DACH2: variants seen among roughly 807,000 people sequenced by gnomAD.
DACH2 encodes the protein dachshund homolog 2.
A neutral mutation model predicts 35.8 loss-of-function variants in DACH2; 17 were observed. That is an observed-to-expected ratio of 0.48 (90% confidence interval 0.33 to 0.71). The LOEUF (loss-of-function observed/expected upper bound fraction) is 0.71, where lower values mean the gene tolerates loss of function less well. Ranked by LOEUF, DACH2 falls within the 30% of genes least tolerant of loss-of-function variation. The pLI is 0.02. For synonymous variants in DACH2, 195 were observed against 177.3 expected (o/e 1.10, Z -0.79); for missense variants, 469 against 472.7 (o/e 0.99, Z 0.07).
rs1378563457 is a variant in DACH2 at position 86,345,497 on chromosome X, A to G, written c.489-31327A>G. 4 of 239,886 alleles carry G rather than the reference A, an allele frequency of 1.7e-5. No individual in the cohort carries two copies. The East Asian group carries it at 5.2e-4, about 31-fold the overall frequency. The allele number at this position is 239,886 out of a possible 1,213,427, so 19.8% of individuals were successfully genotyped here. A position where few individuals can be genotyped will look rare whatever the true frequency, so the allele number is the denominator to read the frequency against. ...GGAGAGAGGGAGAAAGTTATGAGGA[A>G]GGAATAAAGGAAAGAAGCAAAAATG... On this transcript the variant is annotated intron_variant, in intron 1 of 11. Coordinates refer to ENST00000373125, the MANE Select transcript of DACH2 (RefSeq NM_053281.3).
chrX:86,551,509 A>G (rs1352818807), intron 3 of DACH2, among the ~76,000 whole-genome samples: 1 of 112,094 alleles, frequency 8.9e-6, no homozygotes. Flanking sequence ...TGGTATCTCC[A>G]TCTCTTGAGG....
intron 1 of DACH2, among the ~76,000 whole-genome samples, chrX:86,248,174 G>A (rs2033324660): frequency 9.0e-6 from 1 of 111,037 alleles, no homozygotes; most frequent in Non-Finnish European, 1.9e-5. Flanking sequence ...ACATAGTACT[G>A]GAATTCCTAG....
At chrX:86,739,543 A>G (rs1392951568) in intron 6 of DACH2, among the ~76,000 whole-genome samples, 1 of 112,184 alleles carries the variant, frequency 8.9e-6, no homozygotes, top group Admixed American at 9.5e-5. Context: ...GACTTTTTCT[A>G]TAATTTAGCC....
At chrX:86,169,886 G>A (rs914826768) in intron 1 of DACH2, among the ~76,000 whole-genome samples, 1 of 110,552 alleles carries the variant, frequency 9.0e-6, no homozygotes, top group Non-Finnish European at 1.9e-5. Flanking sequence ...TGTTTTCCTG[G>A]ATGATGTTGA....
chrX:86,600,492 C>T (rs748773102), intron 3 of DACH2, among the ~76,000 whole-genome samples: 1 of 112,191 alleles, frequency 8.9e-6, no homozygotes, highest in African/African-American at 3.2e-5. Flanking sequence ...GCAACAATTT[C>T]TCATCTATGC....
chrX:86,762,541 A>T (rs1019624842), intron 7 of DACH2, among the ~76,000 whole-genome samples: 2 of 111,776 alleles, frequency 1.8e-5, no homozygotes, highest in Non-Finnish European at 3.8e-5. Context: ...AAAATTAGGT[A>T]TTGAGTATTT....
rs889844621 is a variant in DACH2, at chrX:86,505,785, A to G, written c.528-8494A>G. Among the ~76,000 whole-genome samples, 36 of 112,174 alleles carry G rather than the reference A, an allele frequency of 3.2e-4. No individual in the cohort carries two copies. In the Admixed American group the frequency reaches 3.3e-3, roughly 10 times the overall value. Reference sequence around the variant, plus strand: ...CATAGGACCAATCCTGCACCTCAATATAACTTAAAATAGAAATTAAAACAG... The same window carrying G: ...CATAGGACCAATCCTGCACCTCAATGTAACTTAAAATAGAAATTAAAACAG... On this transcript the variant is annotated intron_variant, in intron 2 of 11. Transcript: ENST00000373125.
At chrX:86,561,915 AAAAAAG>A (rs2039223764) in intron 3 of DACH2, among the ~76,000 whole-genome samples, 1 of 101,718 alleles carries the variant, frequency 9.8e-6, no homozygotes, top group African/African-American at 3.6e-5. Context: ...AAAAAAAAAA[AAAAAAG>A]AGAATTCAGC....
rs1378300889 is a variant in DACH2 at position 86,698,519 on chromosome X, G to GTTTTTTT, written c.931+3341_931+3342insTTTTTTT. ...TTCTTCTTTTTGTTTTGTTAGTTTTGTGTTTTTTTTTTTTTTTTTTTTTTT... is the reference window on the plus strand; with the variant it reads ...TTCTTCTTTTTGTTTTGTTAGTTTTGTTTTTTTTGTTTTTTTTTTTTTTTTTTTTTTT... On this transcript the variant is annotated intron_variant, in intron 5 of 11. Coordinates refer to ENST00000373125, the MANE Select transcript of DACH2 (RefSeq NM_053281.3). Among the ~76,000 whole-genome samples, 86 of 32,071 alleles carry GTTTTTTT rather than the reference G, an allele frequency of 2.7e-3. 7 individuals carry two copies. The highest frequency in any genetic ancestry group is 6.5e-3 in the Admixed American group (16 of 2,468). 27.8% of individuals were successfully genotyped at this position (32,071 alleles called of 115,157 possible).
chrX:86,345,123 G>C (rs2035475833), intron 1 of DACH2, among the ~76,000 whole-genome samples: 1 of 111,691 alleles, frequency 9.0e-6, no homozygotes, highest in Non-Finnish European at 1.9e-5. Flanking sequence ...CCACAAAAGT[G>C]GTAATTCAAA....
At chrX:86,192,882 T>C (rs1251310836) in intron 1 of DACH2, among the ~76,000 whole-genome samples, 1 of 112,275 alleles carries the variant, frequency 8.9e-6, no homozygotes, top group African/African-American at 3.2e-5. Context: ...CGTTTTCAGG[T>C]TTTTTGTTTA....
intron 2 of DACH2, among the ~76,000 whole-genome samples, chrX:86,442,166 C>G (rs1269170154): frequency 1.8e-5 from 2 of 109,992 alleles, no homozygotes; most frequent in Non-Finnish European, 1.9e-5. Flanking sequence ...CTGCACCCAG[C>G]CTTATTTTTT....
chrX:86,166,401 G>C (rs1246546063), intron 1 of DACH2, among the ~76,000 whole-genome samples: 1 of 111,399 alleles, frequency 9.0e-6, no homozygotes, highest in Non-Finnish European at 1.9e-5. Flanking sequence ...ACTGATATTT[G>C]TACGTTGATT....
intron 3 of DACH2, among the ~76,000 whole-genome samples, chrX:86,520,330 T>C (rs763795506): frequency 8.9e-6 from 1 of 111,971 alleles, no homozygotes; most frequent in South Asian, 3.7e-4. Flanking sequence ...TCCAATTATG[T>C]GGCTGATTTT....
At chrX:86,292,846 G>A (rs182010310) in intron 1 of DACH2, among the ~76,000 whole-genome samples, 10,631 of 108,093 alleles carry the variant, frequency 0.098, 599 homozygotes, top group Admixed American at 0.24. Context: ...TTACTTCCAA[G>A]TATGTGGTCA....
intron 7 of DACH2, chrX:86,742,648 A>G (rs1461152100): frequency 7.0e-6 from 2 of 285,952 alleles, no homozygotes; most frequent in Admixed American, 3.7e-5. Flanking sequence ...TATAGTTATG[A>G]TGCCCAACAA....
intron 2 of DACH2, among the ~76,000 whole-genome samples, chrX:86,437,380 A>G (rs910953344): frequency 9.0e-6 from 1 of 111,472 alleles, no homozygotes; most frequent in African/African-American, 3.3e-5. Flanking sequence ...TAAAATGTAT[A>G]CATTCTATCT....
intron 2 of DACH2, among the ~76,000 whole-genome samples, chrX:86,400,044 A>G (rs1602478509): frequency 9.0e-6 from 1 of 111,254 alleles, no homozygotes; most frequent in East Asian, 2.8e-4. Flanking sequence ...TGGTCTTTTC[A>G]CATAGTCCCA....
At chrX:86,705,052 T>TATATATATATATATCTCAC (rs758138395) in intron 5 of DACH2, among the ~76,000 whole-genome samples, 29 of 105,823 alleles carry the variant, frequency 2.7e-4, no homozygotes, top group Non-Finnish European at 4.1e-4. Context: ...ATATCTCACA[T>TATATATATATATATCTCAC]ATATATATAT....
Sources: allele counts gnomAD v4.1 joint callset (sites outside exome capture counted in the v4.1 genomes callset), GRCh38; gene constraint gnomAD v4.1.1; transcripts MANE v1.5; gene names NCBI Gene and HGNC (gene_info 2026-07-23, HGNC 2026-07-21).